TLCD4: variants seen among roughly 807,000 people sequenced by gnomAD.
TLCD4 encodes the protein TLC domain-containing protein 4.
Under a neutral mutation model 24.2 loss-of-function variants are expected in TLCD4, and 7 were observed. That is an observed-to-expected ratio of 0.29 (90% CI 0.16 to 0.54). TLCD4 has a LOEUF of 0.54. Ranked by LOEUF, TLCD4 falls within the 20% of genes least tolerant of loss-of-function variation. The pLI, the probability that TLCD4 is intolerant of heterozygous loss-of-function variation, is 0.95. For synonymous variants in TLCD4, 103 were observed against 106.4 expected (o/e 0.97, Z 0.20); for missense variants, 259 against 313.9 (o/e 0.82, Z 1.32).
intron 1 of TLCD4, among the ~76,000 whole-genome samples, chr1:95,129,023 A>T (rs574519272): frequency 7.9e-5 from 12 of 152,236 alleles, no homozygotes; most frequent in Middle Eastern, 3.2e-3. Flanking sequence ...AGTGGATGAC[A>T]CAGAGCTTAG....
intron 5 of TLCD4, 82 bp downstream of exon 5, chr1:95,151,501 A>G: frequency 6.7e-7 from 1 of 1,502,374 alleles, no homozygotes; most frequent in South Asian, 1.3e-5. Flanking sequence ...ATCTAAACAT[A>G]CAATTCTTAG....
rs200337389 is a variant in TLCD4, at chr1:95,139,455, A to ATTTTTTTTTTTTTTTT, written c.-11-4429_-11-4414dup. Among the ~76,000 whole-genome samples, 7 of 93,994 alleles carry ATTTTTTTTTTTTTTTT rather than the reference A, an allele frequency of 7.4e-5. 1 individual carries two copies. Among genetic ancestry groups the ATTTTTTTTTTTTTTTT allele is most frequent in the Non-Finnish European group, 1.0e-4 (5 of 49,304 alleles). The allele number at this position is 93,994 out of a possible 152,430, so 61.7% of individuals were successfully genotyped here. On this transcript the variant is annotated intron_variant, in intron 1 of 6. Coordinates refer to ENST00000370203, the MANE Select transcript of TLCD4 (RefSeq NM_152487.3). ...ATAAACTTTTTTATTTAAACCTTTG[A>ATTTTTTTTTTTTTTTT]TTTTTTTTTTTTTTTTTTTTTTGAG...
chr1:95,100,106 A>G, the TLCD4 span, among the ~76,000 whole-genome samples: 2 of 151,986 alleles, frequency 1.3e-5, no homozygotes, highest in African/African-American at 4.8e-5. Flanking sequence ...CCCCATCTCA[A>G]AAAAAATATG....
At chr1:95,187,498 A>C (rs1487998765) in intron 6 of TLCD4, among the ~76,000 whole-genome samples, 1 of 151,994 alleles carries the variant, frequency 6.6e-6, no homozygotes, top group Non-Finnish European at 1.5e-5. Flanking sequence ...GGTTTGTCTG[A>C]TGTTTTTCTC....
intron 5 of TLCD4, chr1:95,163,625 C>A (rs571298588): frequency 6.6e-6 from 1 of 152,146 alleles, no homozygotes; most frequent in Non-Finnish European, 1.5e-5. Context: ...AGTTTCTCCC[C>A]ATCTTTATGG....
chr1:95,173,950 A>G, intron 6 of TLCD4, 61 bp downstream of exon 6: 1 of 1,604,964 alleles, frequency 6.2e-7, no homozygotes, highest in African/African-American at 1.3e-5. Context: ...GTTTGGGCAA[A>G]TCCTTTTCCC....
chr1:95,109,795 G>A, the TLCD4 span, among the ~76,000 whole-genome samples: 1 of 144,702 alleles, frequency 6.9e-6, no homozygotes, highest in Non-Finnish European at 1.5e-5. Context: ...AGCCAGTTTT[G>A]CATATTTTTT....
At chr1:95,103,367 G>GA in the TLCD4 span, among the ~76,000 whole-genome samples, 1 of 152,158 alleles carries the variant, frequency 6.6e-6, no homozygotes, top group African/African-American at 2.4e-5. Flanking sequence ...AAAGAAGAGA[G>GA]GTTGGAAGAT....
intron 6 of TLCD4, among the ~76,000 whole-genome samples, chr1:95,179,587 A>C (rs1678561893): frequency 6.6e-6 from 1 of 152,056 alleles, no homozygotes; most frequent in Non-Finnish European, 1.5e-5. Flanking sequence ...TTCCCCTTTC[A>C]TCTCTCTTCT....
At chr1:95,150,703 A>AT (rs1677471310) in intron 4 of TLCD4, among the ~76,000 whole-genome samples, 1 of 151,986 alleles carries the variant, frequency 6.6e-6, no homozygotes, top group African/African-American at 2.4e-5. Flanking sequence ...TTTAATAGTT[A>AT]TAGTTTTTGG....
At chr1:95,115,548 T>C (rs890671922), upstream of TLCD4, among the ~76,000 whole-genome samples, 1 of 152,228 alleles carries the variant, frequency 6.6e-6, no homozygotes, top group Non-Finnish European at 1.5e-5. Flanking sequence ...TTTACTGAAT[T>C]CCTCTCATAG....
rs1341139608 is a variant in TLCD4 at position 95,197,040 on chromosome 1, G to GAT, written c.*5180_*5181dup. The GAT allele has an allele frequency of 1.3e-5, 2 of 151,930 alleles. No homozygotes were observed. The highest frequency in any genetic ancestry group is 2.9e-5 in the Non-Finnish European group (2 of 67,950). 9.4% of individuals were successfully genotyped at this position (151,930 alleles called of 1,614,324 possible). A position where few individuals can be genotyped will look rare whatever the true frequency, so the allele number is the denominator to read the frequency against. On this transcript the variant is annotated 3_prime_UTR_variant, in exon 7 of 7. Coordinates refer to ENST00000370203, the MANE Select transcript of TLCD4 (RefSeq NM_152487.3). ...GGAAAGCAGTAAATAGAACTATAGT[G>GAT]ATATATATAGATACATAGATATATA...
At chr1:95,174,947 T>C (rs916836229) in intron 6 of TLCD4, among the ~76,000 whole-genome samples, 4 of 152,106 alleles carry the variant, frequency 2.6e-5, no homozygotes, top group Admixed American at 1.3e-4. Flanking sequence ...GGCTAATTTT[T>C]GTATTTTTAG....
At chr1:95,157,006 T>C (rs1677652582) in intron 5 of TLCD4, among the ~76,000 whole-genome samples, 1 of 152,070 alleles carries the variant, frequency 6.6e-6, no homozygotes, top group Non-Finnish European at 1.5e-5. Flanking sequence ...AGAATGCATT[T>C]GGAAATCAGT....
intron 5 of TLCD4, among the ~76,000 whole-genome samples, chr1:95,163,020 C>G (rs1386798706): frequency 2.0e-5 from 3 of 152,122 alleles, no homozygotes; most frequent in African/African-American, 7.2e-5. Context: ...GTGGTGTTCT[C>G]TGTATTTCCT....
chr1:95,120,902 T>C lies in TLCD4; in HGVS notation c.-12+3285T>C, dbSNP rs1412166142. 2.6e-5 allele frequency among the ~76,000 whole-genome samples: 4 copies of C among 152,152 alleles called. No homozygotes were observed. The East Asian group carries it at 7.7e-4, about 29-fold the overall frequency. On this transcript the variant is annotated intron_variant, in intron 1 of 6. Transcript: ENST00000370203. ...CACTATTTGGAAACCACTTTTCCAA[T>C]GGGTAGAAAAACAGGTTGCAGTGGA...
In TLCD4 at chr1:95,133,092, AAG is replaced by A. The variant is rs575827082; in HGVS notation, c.-11-10791_-11-10790del. Among the ~76,000 whole-genome samples the A allele has an allele frequency of 6.5e-3, 988 of 152,270 alleles. 4 individuals carry two copies. Among genetic ancestry groups the A allele is most frequent in the Middle Eastern group, 0.02 (6 of 294 alleles). ...AGAGCGCAAGTGTAAAAATTCAAGC[AAG>A]AGAGAGAAACTTTATGGAAAGAGAG... is the stretch of plus-strand genomic sequence containing the variant. On this transcript the variant is annotated intron_variant, in intron 1 of 6. Coordinates refer to ENST00000370203, the MANE Select transcript of TLCD4 (RefSeq NM_152487.3).
intron 6 of TLCD4, among the ~76,000 whole-genome samples, chr1:95,177,365 C>T (rs1678470562): frequency 6.6e-6 from 1 of 152,048 alleles, no homozygotes; most frequent in African/African-American, 2.4e-5. Flanking sequence ...ACAGGGGTAA[C>T]ACAGTAAGTT....
intron 6 of TLCD4, among the ~76,000 whole-genome samples, chr1:95,185,908 C>A (rs999154720): frequency 6.6e-6 from 1 of 152,028 alleles, no homozygotes; most frequent in Admixed American, 6.6e-5. Context: ...CAGTAAGAAA[C>A]CAGATGCTCT....
Sources: gnomAD v4.1 joint callset for allele counts (sites outside exome capture counted in the v4.1 genomes callset) on GRCh38, gnomAD v4.1.1 for gene constraint, MANE v1.5 for transcripts, NCBI Gene and HGNC (gene_info 2026-07-23, HGNC 2026-07-21) for gene names.